The following UCHL5 variants were observed in gnomAD, a reference collection of about 807,000 sequenced individuals.
UCHL5 encodes ubiquitin carboxyl-terminal hydrolase isozyme L5.
UCHL5 carries 34 observed loss-of-function variants against 53.8 expected under a neutral mutation model. That is an observed-to-expected ratio of 0.63 (90% confidence interval 0.48 to 0.84). The LOEUF (loss-of-function observed/expected upper bound fraction) is 0.84, where lower values mean the gene tolerates loss of function less well. Ranked by LOEUF, UCHL5 falls within the 40% of genes least tolerant of loss-of-function variation. The pLI, the probability that UCHL5 is intolerant of heterozygous loss-of-function variation, is 0.00. For missense variants in UCHL5, 290 were observed against 385.6 expected (o/e 0.75, Z 2.08); for synonymous variants, 111 against 126.3 (o/e 0.88, Z 0.81).
intron 3 of UCHL5, among the ~76,000 whole-genome samples, chr1:193,035,013 T>C (rs548362120): frequency 3.3e-5 from 5 of 152,080 alleles, no homozygotes; most frequent in South Asian, 2.1e-4. Context: ...AGTGGTTTTA[T>C]TGGAGGGTCT....
At chr1:193,041,404 G>C (rs561370571) in intron 3 of UCHL5, among the ~76,000 whole-genome samples, 10 of 152,214 alleles carry the variant, frequency 6.6e-5, no homozygotes, top group Middle Eastern at 3.4e-3. Flanking sequence ...TGATCAGGGA[G>C]ACATAAGCCA....
rs763579600 is a variant in UCHL5, at chr1:193,014,990, G to A, written c.*1361C>T. 2 of 151,988 alleles carry A rather than the reference G, an allele frequency of 1.3e-5. No individual in the cohort carries two copies. Among genetic ancestry groups the A allele is most frequent in the Non-Finnish European group, 1.5e-5 (1 of 67,940 alleles). 9.4% of individuals were successfully genotyped at this position (151,988 alleles called of 1,614,324 possible). A position where few individuals can be genotyped will look rare whatever the true frequency, so the allele number is the denominator to read the frequency against. ...TTTTTAAAAATTATATCATGGCTTTGAAAACACTCCATAATTATTACTGTA... is the reference window on the plus strand; with the variant it reads ...TTTTTAAAAATTATATCATGGCTTTAAAAACACTCCATAATTATTACTGTA... On this transcript the variant is annotated 3_prime_UTR_variant, in exon 11 of 11. Transcript: ENST00000367454.
At chr1:193,033,186 A>G (rs541218890) in intron 3 of UCHL5, among the ~76,000 whole-genome samples, 233 of 152,350 alleles carry the variant, frequency 1.5e-3, no homozygotes, top group Non-Finnish European at 2.9e-3. Context: ...ACCATGGAAT[A>G]CTATGTGGCC....
chr1:193,021,036 T>C lies in UCHL5; in HGVS notation c.942+61A>G, dbSNP rs1656817602. The C allele has an allele frequency of 3.9e-6, 5 of 1,289,958 alleles. No homozygotes were observed. The East Asian group carries it at 1.2e-4, about 31-fold the overall frequency. 79.9% of individuals were successfully genotyped at this position (1,289,958 alleles called of 1,614,324 possible). A position where few individuals can be genotyped will look rare whatever the true frequency, so the allele number is the denominator to read the frequency against. On this transcript the variant is annotated intron_variant, in intron 10 of 10. Coordinates refer to ENST00000367454, the MANE Select transcript of UCHL5 (RefSeq NM_001199261.3). Reference sequence around the variant, plus strand: ...CTCTATTCAAGCAAAAAATAAAAAATACATTTTATGTTTTTGGAGACTCTA... The same window carrying C: ...CTCTATTCAAGCAAAAAATAAAAAACACATTTTATGTTTTTGGAGACTCTA...
At chr1:193,047,793 T>C (rs1437554282) in intron 3 of UCHL5, among the ~76,000 whole-genome samples, 1 of 152,144 alleles carries the variant, frequency 6.6e-6, no homozygotes, top group Non-Finnish European at 1.5e-5. Flanking sequence ...CCTCTTCTTT[T>C]CCATCTGCAC....
At chr1:193,031,309 A>G (rs1376151209) in intron 3 of UCHL5, among the ~76,000 whole-genome samples, 1 of 152,292 alleles carries the variant, frequency 6.6e-6, no homozygotes, top group East Asian at 1.9e-4. Flanking sequence ...AAGACACCTT[A>G]AAGATTTAAT....
At chr1:193,047,651 A>G (rs1257614086) in intron 3 of UCHL5, among the ~76,000 whole-genome samples, 1 of 152,346 alleles carries the variant, frequency 6.6e-6, no homozygotes, top group Non-Finnish European at 1.5e-5. Flanking sequence ...GGTCTCAGAA[A>G]TAAGTGCAAT....
chr1:193,059,201 C>G lies in UCHL5; in HGVS notation c.60G>C (p.Glu20Asp). 1.2e-6 allele frequency: 2 copies of G among 1,613,532 alleles called. No homozygotes were observed. Among genetic ancestry groups the G allele is most frequent in the Non-Finnish European group, 1.7e-6 (2 of 1,179,794 alleles). ...LMESDPGVFT[E>D]LIKGFGCRGA... ...GGTTCTCACCGAATCCTTTAATGAG[C>G]TCGGTGAAGACCCCGGGGTCGCTTT... Residue 20 changes from glutamate (E) to aspartate (D), a missense_variant, in exon 1 of 11, where the codon GAG (glutamate) becomes GAC (aspartate). Transcript: ENST00000367454. The surrounding 1 kb of genome is among the most constrained non-coding windows in gnomAD (Gnocchi z 4.9).
At chr1:193,019,474 T>C (rs1656105827) in intron 10 of UCHL5, among the ~76,000 whole-genome samples, 1 of 151,656 alleles carries the variant, frequency 6.6e-6, no homozygotes, top group Non-Finnish European at 1.5e-5. Flanking sequence ...AGTTATTGCA[T>C]GTATATAAGA....
chr1:193,044,385 T>C (rs1666708347), intron 3 of UCHL5, among the ~76,000 whole-genome samples: 1 of 152,128 alleles, frequency 6.6e-6, no homozygotes, highest in African/African-American at 2.4e-5. Context: ...TTTAAGCAAG[T>C]AAATCACACC....
intron 3 of UCHL5, among the ~76,000 whole-genome samples, chr1:193,046,202 T>C (rs1053249514): frequency 2.4e-4 from 36 of 148,438 alleles, no homozygotes; most frequent in Admixed American, 2.3e-3. Flanking sequence ...TGGCTAACTT[T>C]TTATTTTTTT....
chr1:193,030,439 T>C (rs1230676029), intron 3 of UCHL5, among the ~76,000 whole-genome samples: 2 of 152,214 alleles, frequency 1.3e-5, no homozygotes, highest in African/African-American at 4.8e-5. Context: ...TTTGTGTACA[T>C]AGCCATCATG....
intron 3 of UCHL5, 40 bp downstream of exon 3, chr1:193,049,706 G>T: frequency 6.7e-7 from 1 of 1,495,876 alleles, no homozygotes; most frequent in South Asian, 1.3e-5. Context: ...TTATAAAAAG[G>T]GTTGCTCTTG....
At chr1:193,047,940 C>A (rs1047025575) in intron 3 of UCHL5, among the ~76,000 whole-genome samples, 4 of 152,054 alleles carry the variant, frequency 2.6e-5, no homozygotes, top group African/African-American at 9.7e-5. Flanking sequence ...AAAAAAAAGT[C>A]TTTGATAAAG....
chr1:193,058,661 CGTCCCGAAGAGCTATTCACACATTCAA>C (rs1671627021), intron 1 of UCHL5, among the ~76,000 whole-genome samples: 1 of 152,218 alleles, frequency 6.6e-6, no homozygotes, highest in Non-Finnish European at 1.5e-5. Flanking sequence ...CGTGTGTGGA[CGTCCCGAAGAGCTATTCACACATTCAA>C]GGCGTTCTGC....
chr1:193,034,638 CAGA>C lies in UCHL5; in HGVS notation c.247-4984_247-4982del, dbSNP rs749163581. On this transcript the variant is annotated intron_variant, in intron 3 of 10. Coordinates refer to ENST00000367454, the MANE Select transcript of UCHL5 (RefSeq NM_001199261.3). ...ATACTAAAACGAGTCAAAGCCATTA[CAGA>C]AGAAGAAAAATTAAGACACATTTCA... 9.1e-4 allele frequency among the ~76,000 whole-genome samples: 138 copies of C among 151,978 alleles called. 1 individual carries two copies. The highest frequency in any genetic ancestry group is 2.4e-3 in the Admixed American group (37 of 15,256).
At chr1:193,051,942 C>A in intron 1 of UCHL5, 125 bp from the exon 2 acceptor site, 1 of 636,830 alleles carries the variant, frequency 1.6e-6, no homozygotes, top group East Asian at 2.8e-5. Context: ...TAATAAAGCT[C>A]ACAGCCAAAT....
Position 193,059,243 on chromosome 1 carries a change from C to A in UCHL5, c.18G>T (p.Gly6=). 6.2e-7 allele frequency: 1 copy of A among 1,614,108 alleles called. No homozygotes were observed. The highest frequency in any genetic ancestry group is 8.5e-7 in the Non-Finnish European group (1 of 1,180,016). ...GGTCGCTTTCCATGAGGCACCACTC[C>A]CCGGCATTGCCCGTCATGGCCCTGG... MTGNA[G]EWCLMESDPG... The change falls in exon 1 of 11, where the codon GGG becomes GGT. Residue 6 remains glycine (G), a synonymous_variant. Coordinates refer to ENST00000367454, the MANE Select transcript of UCHL5 (RefSeq NM_001199261.3). This position sits in a 1 kb window ranked among gnomAD's most constrained non-coding sequence, Gnocchi z 4.9.
rs967051648 is a variant in UCHL5 at position 193,056,852 on chromosome 1, T to C, written c.76+2333A>G. On this transcript the variant is annotated intron_variant, in intron 1 of 10. Transcript: ENST00000367454. ...CTGATTTTCTCTTTGAAGCATCTGA[T>C]GGTGACATAAACTACCACCATTTAA... Among the ~76,000 whole-genome samples, 16 of 152,244 alleles carry C rather than the reference T, an allele frequency of 1.1e-4. No homozygotes were observed. In the East Asian group the frequency reaches 3.1e-3, roughly 29 times the overall value.
Sources: gnomAD v4.1 joint callset for allele counts (sites outside exome capture counted in the v4.1 genomes callset) on GRCh38, gnomAD v4.1.1 for gene constraint, Gnocchi (gnomAD v3.1) non-coding constraint, MANE v1.5 for transcripts, NCBI Gene and HGNC (gene_info 2026-07-23, HGNC 2026-07-21) for gene names.